MAEA: variants seen among roughly 807,000 people sequenced by gnomAD.
MAEA encodes E3 ubiquitin-protein transferase MAEA.
Under a neutral mutation model 46.2 loss-of-function variants are expected in MAEA, and 22 were observed. That is an observed-to-expected ratio of 0.48 (90% CI 0.34 to 0.68). The LOEUF is 0.68. Ranked by LOEUF, MAEA falls within the 30% of genes least tolerant of loss-of-function variation. The pLI, the probability that MAEA is intolerant of heterozygous loss-of-function variation, is 0.01. For missense variants in MAEA, 393 were observed against 558.1 expected (o/e 0.70, Z 2.98); for synonymous variants, 246 against 222.6 (o/e 1.11, Z -0.94).
intron 1 of MAEA, among the ~76,000 whole-genome samples, chr4:1,292,129 G>A (rs1417192668): frequency 1.3e-5 from 2 of 152,222 alleles, no homozygotes; most frequent in African/African-American, 2.4e-5. Flanking sequence ...GACCGGGGTT[G>A]TGGAAGGTGG....
At chr4:1,294,335 A>G (rs1734412595) in intron 1 of MAEA, among the ~76,000 whole-genome samples, 1 of 152,128 alleles carries the variant, frequency 6.6e-6, no homozygotes, top group Non-Finnish European at 1.5e-5. Flanking sequence ...TGGTTGGGCA[A>G]GGCTGAGATA....
chr4:1,292,542 G>C (rs1734198090), intron 1 of MAEA, among the ~76,000 whole-genome samples: 1 of 152,106 alleles, frequency 6.6e-6, no homozygotes, highest in Non-Finnish European at 1.5e-5. Context: ...CGAACGTTTG[G>C]GCTGGAGGAG....
intron 1 of MAEA, among the ~76,000 whole-genome samples, chr4:1,305,758 C>T (rs572393463): frequency 5.9e-5 from 9 of 151,364 alleles, no homozygotes; most frequent in Admixed American, 1.3e-4. Context: ...CGTGCGTGCA[C>T]GTGCGCACGC....
At position 1,339,246 on chromosome 4, in the gene MAEA, C is replaced by T. The variant is rs2109024810; in HGVS notation, c.*77C>T. 7.7e-6 allele frequency: 8 copies of T among 1,035,650 alleles called. No individual in the cohort carries two copies. The highest frequency in any genetic ancestry group is 1.6e-5 in the African/African-American group (1 of 63,558). The allele number at this position is 1,035,650 out of a possible 1,614,324, so 64.2% of individuals were successfully genotyped here. ...GGCCACGCCTTCCTCCTGTCCCACGCTCCAGCCTGCCGCGGCGTTTCTGTT... is the reference window on the plus strand; with the variant it reads ...GGCCACGCCTTCCTCCTGTCCCACGTTCCAGCCTGCCGCGGCGTTTCTGTT... On this transcript the variant is annotated 3_prime_UTR_variant, in exon 9 of 9. Coordinates refer to ENST00000303400, the MANE Select transcript of MAEA (RefSeq NM_001017405.3).
intron 4 of MAEA, among the ~76,000 whole-genome samples, chr4:1,323,196 C>T (rs1029368571): frequency 6.6e-6 from 1 of 152,090 alleles, no homozygotes; most frequent in Admixed American, 6.5e-5. Flanking sequence ...CCACCTGCCT[C>T]AACCTCCCAA....
intron 3 of MAEA, among the ~76,000 whole-genome samples, chr4:1,316,807 G>A (rs1737234881): frequency 6.6e-6 from 1 of 152,016 alleles, no homozygotes; most frequent in Non-Finnish European, 1.5e-5. Flanking sequence ...GGTGCCCATG[G>A]GGCCACACTC....
chr4:1,309,611 G>A, intron 1 of MAEA: 1 of 1,518,320 alleles, frequency 6.6e-7, no homozygotes, highest in Non-Finnish European at 8.8e-7. Context: ...AGGAGCGTGC[G>A]CAGAGGCGTG....
At chr4:1,309,357 C>G in intron 1 of MAEA, 1 of 1,128,672 alleles carries the variant, frequency 8.9e-7, no homozygotes, top group South Asian at 4.2e-5. Flanking sequence ...TGCTAACCAG[C>G]CAGCCCAGGC....
intron 4 of MAEA, 39 bp from the exon 5 acceptor site, chr4:1,327,588 G>T (rs768848750): frequency 1.3e-6 from 2 of 1,503,422 alleles, no homozygotes; most frequent in African/African-American, 2.8e-5. Flanking sequence ...GGCTCTGTGG[G>T]ATGTGCTGTC....
intron 1 of MAEA, among the ~76,000 whole-genome samples, chr4:1,291,332 G>A (rs1385952232): frequency 4.6e-5 from 7 of 152,186 alleles, no homozygotes; most frequent in African/African-American, 1.7e-4. Context: ...CATGGTGCTT[G>A]TGTGTCCAGC....
Position 1,317,103 on chromosome 4 carries a change from T to C in MAEA, c.456+1503T>C, listed in dbSNP as rs192485332. ...CCGGCCCCCACACTCCACACTCACC[T>C]GCAGGCCCACCCGGTCCCACACTCC... On this transcript the variant is annotated intron_variant, in intron 3 of 8. Coordinates refer to ENST00000303400, the MANE Select transcript of MAEA (RefSeq NM_001017405.3). Among the ~76,000 whole-genome samples, 166 of 22,962 alleles carry C rather than the reference T, an allele frequency of 7.2e-3. 3 individuals are homozygous for C. The highest frequency in any genetic ancestry group is 0.014 in the Non-Finnish European group (114 of 8,132). The allele number at this position is 22,962 out of a possible 152,430, so 15.1% of individuals were successfully genotyped here. A position where few individuals can be genotyped will look rare whatever the true frequency, so the allele number is the denominator to read the frequency against.
chr4:1,327,561 CGGCACCCG>C, intron 4 of MAEA, 58 bp from the exon 5 acceptor site: 1 of 1,136,714 alleles, frequency 8.8e-7, no homozygotes, highest in Non-Finnish European at 1.3e-6. Context: ...CATGCGGGTG[CGGCACCCG>C]GGCACCTGGG....
chr4:1,320,186 G>A (rs1254215113), intron 3 of MAEA, among the ~76,000 whole-genome samples: 1 of 94,260 alleles, frequency 1.1e-5, no homozygotes, highest in African/African-American at 5.4e-5. Context: ...AGGGGCTTCA[G>A]AAATCATCAG....
intron 1 of MAEA, chr4:1,297,910 C>T (rs959876902): frequency 4.5e-6 from 2 of 441,132 alleles, no homozygotes; most frequent in Non-Finnish European, 4.6e-6. Context: ...CCACCCCTCG[C>T]GATGTAGCCC....
intron 6 of MAEA, chr4:1,335,222 A>T: frequency 2.0e-6 from 2 of 985,502 alleles, no homozygotes; most frequent in Non-Finnish European, 2.4e-6. Context: ...CATTTCATAC[A>T]TGATTTCTCT....
chr4:1,303,850 A>G (rs1735566820), intron 1 of MAEA, among the ~76,000 whole-genome samples: 1 of 149,208 alleles, frequency 6.7e-6, no homozygotes, highest in African/African-American at 2.5e-5. Context: ...TTAATAGACA[A>G]CTGAAGAGCA....
At position 1,311,108 on chromosome 4, in the gene MAEA, C is replaced by T. The variant is rs761037074; in HGVS notation, c.70-871C>T. Among the ~76,000 whole-genome samples, 18 of 152,324 alleles carry T rather than the reference C, an allele frequency of 1.2e-4. No homozygotes were observed. Among genetic ancestry groups the T allele is most frequent in the Non-Finnish European group, 2.1e-4 (14 of 68,022 alleles). On this transcript the variant is annotated intron_variant, in intron 1 of 8. Coordinates refer to ENST00000303400, the MANE Select transcript of MAEA (RefSeq NM_001017405.3). This position sits in a 1 kb window ranked among gnomAD's most constrained non-coding sequence, Gnocchi z 4.4. Reference sequence around the variant, plus strand: ...CGGCTGGAGAGGAGGCGAGGTGGAGCGCTTGTTCTGGCACAGCTGCGACGG... The same window carrying T: ...CGGCTGGAGAGGAGGCGAGGTGGAGTGCTTGTTCTGGCACAGCTGCGACGG...
At chr4:1,303,721 C>G (rs985676807) in intron 1 of MAEA, among the ~76,000 whole-genome samples, 2 of 151,942 alleles carry the variant, frequency 1.3e-5, no homozygotes, top group African/African-American at 4.8e-5. Context: ...CAACCTTGTG[C>G]TTATTCTAAA....
chr4:1,303,514 G>A (rs1191328772), intron 1 of MAEA, among the ~76,000 whole-genome samples: 3 of 152,174 alleles, frequency 2.0e-5, no homozygotes, highest in Admixed American at 6.5e-5. Flanking sequence ...CCATGAAGAG[G>A]AGTGGAGCGT....
Sources: gnomAD v4.1 joint callset for allele counts (sites outside exome capture counted in the v4.1 genomes callset) on GRCh38, gnomAD v4.1.1 for gene constraint, Gnocchi (gnomAD v3.1) non-coding constraint, MANE v1.5 for transcripts, NCBI Gene and HGNC (gene_info 2026-07-23, HGNC 2026-07-21) for gene names.